KRT80: variants seen among roughly 807,000 people sequenced by gnomAD.
KRT80 encodes keratin 80.
Under a neutral mutation model 51.5 loss-of-function variants are expected in KRT80, and 36 were observed. That is an observed-to-expected ratio of 0.70 (90% CI 0.54 to 0.92). KRT80 has a LOEUF of 0.92. Among genes scored for constraint, KRT80 ranks in the 40% least tolerant of loss-of-function variants. The pLI is 0.00. For missense variants in KRT80, 566 were observed against 591.7 expected (o/e 0.96, Z 0.45); for synonymous variants, 235 against 248.3 (o/e 0.95, Z 0.50).
intron 1 of KRT80, 30 bp from the exon 2 acceptor site, chr12:52,185,617 C>A: frequency 6.3e-7 from 1 of 1,596,794 alleles, no homozygotes; most frequent in South Asian, 1.1e-5. Context: ...GCGAATGGGT[C>A]AGGTGTGGAC....
chr12:52,185,331 G>C, intron 2 of KRT80, 48 bp downstream of exon 2: 1 of 1,549,244 alleles, frequency 6.5e-7, no homozygotes, highest in South Asian at 1.2e-5. Context: ...GCACAGCTTG[G>C]TCCCAGCCCT....
chr12:52,181,005 G>A (rs1424749337), intron 2 of KRT80, 42 bp from the exon 3 acceptor site: 1 of 1,468,710 alleles, frequency 6.8e-7, no homozygotes, highest in Non-Finnish European at 9.1e-7. Context: ...TATGGTGGGG[G>A]CTTGGGCCTG....
chr12:52,188,325 A>C (rs1399697084), intron 1 of KRT80, among the ~76,000 whole-genome samples: 1 of 152,214 alleles, frequency 6.6e-6, no homozygotes, highest in African/African-American at 2.4e-5. Context: ...TTACAGATGA[A>C]GAAACTGAAG....
intron 4 of KRT80, among the ~76,000 whole-genome samples, chr12:52,175,953 G>A (rs998862960): frequency 2.6e-5 from 4 of 152,158 alleles, no homozygotes; most frequent in South Asian, 2.1e-4. Context: ...GACACATTGT[G>A]GGCATCGGTG....
At chr12:52,174,617 C>T (rs896058167) in intron 4 of KRT80, among the ~76,000 whole-genome samples, 1 of 152,288 alleles carries the variant, frequency 6.6e-6, no homozygotes, top group Non-Finnish European at 1.5e-5. Context: ...CAGGCTGGCA[C>T]TGCTGCAGCC....
intron 3 of KRT80, 139 bp from the exon 4 acceptor site, chr12:52,180,747 G>A (rs1941305622): frequency 4.4e-6 from 7 of 1,586,734 alleles, no homozygotes; most frequent in African/African-American, 1.3e-5. Flanking sequence ...AAAAGGAGCT[G>A]GATGGGGATG....
At chr12:52,175,061 C>T (rs998069602) in intron 4 of KRT80, among the ~76,000 whole-genome samples, 2 of 152,132 alleles carry the variant, frequency 1.3e-5, no homozygotes, top group African/African-American at 4.8e-5. Flanking sequence ...TCCACCCTGA[C>T]CCCTATTTCA....
chr12:52,173,855 G>A (rs887705881), intron 4 of KRT80, 91 bp from the exon 5 acceptor site: 7 of 1,307,608 alleles, frequency 5.4e-6, no homozygotes, highest in Admixed American at 1.9e-5. Context: ...CGGGGTGAGC[G>A]GAGAGTGGAG....
At position 52,171,330 on chromosome 12, in the gene KRT80, T is replaced by A; in HGVS notation, c.*68A>T. The A allele has an allele frequency of 6.8e-7, 1 of 1,470,718 alleles. No homozygotes were observed. Among genetic ancestry groups the A allele is most frequent in the Non-Finnish European group, 9.2e-7 (1 of 1,092,768 alleles). 91.1% of individuals were successfully genotyped at this position (1,470,718 alleles called of 1,614,324 possible). A position where few individuals can be genotyped will look rare whatever the true frequency, so the allele number is the denominator to read the frequency against. On this transcript the variant is annotated 3_prime_UTR_variant, in exon 9 of 9. Transcript: ENST00000394815. Reference sequence around the variant, plus strand: ...CTCAACCTAGAGGCTCCAAGCTGCTTTCTTGAGTCTAGCTTAAGTCCCTCC... The same window carrying A: ...CTCAACCTAGAGGCTCCAAGCTGCTATCTTGAGTCTAGCTTAAGTCCCTCC...
chr12:52,188,168 T>C (rs1429687531), intron 1 of KRT80, among the ~76,000 whole-genome samples: 1 of 152,144 alleles, frequency 6.6e-6, no homozygotes, highest in Non-Finnish European at 1.5e-5. Context: ...GGAGGGCTCA[T>C]AATCCTGGTG....
rs544824737 is a variant in KRT80 at position 52,173,095 on chromosome 12, C to T, written c.900G>A (p.Ala300=). 170 of 1,613,550 alleles carry T rather than the reference C, an allele frequency of 1.1e-4. No individual in the cohort carries two copies. In the Admixed American group the frequency reaches 1.2e-3, roughly 11 times the overall value. ...GCTTCTGGATGCGCACATTGAGATC[C>T]GCGATCTCGCTGCGGCTGCTCTGGA... The part of the protein sequence containing the change: ...SSLQSSRSEI[A]DLNVRIQKLR... The change falls in exon 6 of 9, where the codon GCG becomes GCA. Residue 300 remains alanine (A), a synonymous_variant. Coordinates refer to ENST00000394815, the MANE Select transcript of KRT80 (RefSeq NM_182507.3).
chr12:52,172,338 G>T lies in KRT80; in HGVS notation c.1038C>A (p.Ala346=), dbSNP rs1183067415. The T allele has an allele frequency of 1.9e-6, 3 of 1,614,146 alleles. No individual in the cohort carries two copies. The South Asian group carries it at 3.3e-5, about 18-fold the overall frequency. ...LAFQDAKTKL[A]QLEAALQQAK... ...CCTGCTGCAGGGCGGCCTCCAGCTGGGCCAGCTTGGTCTTGGCATCCTGGA... is the reference window on the plus strand; with the variant it reads ...CCTGCTGCAGGGCGGCCTCCAGCTGTGCCAGCTTGGTCTTGGCATCCTGGA... Residue 346 remains alanine (A), a synonymous_variant, in exon 7 of 9, where the codon GCC becomes GCA. Coordinates refer to ENST00000394815, the MANE Select transcript of KRT80 (RefSeq NM_182507.3).
At position 52,172,407 on chromosome 12, in the gene KRT80, C is replaced by T; in HGVS notation, c.969G>A (p.Leu323=). Residue 323 remains leucine, a synonymous_variant, in exon 7 of 9, where the codon CTG becomes CTA. Coordinates refer to ENST00000394815, the MANE Select transcript of KRT80 (RefSeq NM_182507.3). ...CCTCAGCTGTCTTGATGTTCTCCTC[C>T]AGTTTCAGGCACTGCAGCCAGGAGG... The part of the protein sequence containing the change: ...ILSVKSHCLK[L]EENIKTAEEQ... The T allele has an allele frequency of 6.2e-7, 1 of 1,611,858 alleles. No individual in the cohort carries two copies. Among genetic ancestry groups the T allele is most frequent in the African/African-American group, 1.3e-5 (1 of 75,020 alleles).
At chr12:52,182,226 T>C (rs1417341927) in intron 2 of KRT80, among the ~76,000 whole-genome samples, 3 of 152,100 alleles carry the variant, frequency 2.0e-5, no homozygotes, top group Non-Finnish European at 4.4e-5. Flanking sequence ...TGTCTAGGCA[T>C]CCCCAGAGAG....
intron 1 of KRT80, among the ~76,000 whole-genome samples, chr12:52,186,336 GCTC>G (rs1160159392): frequency 1.3e-5 from 2 of 152,064 alleles, no homozygotes; most frequent in African/African-American, 4.8e-5. Context: ...CAGTTTAGCT[GCTC>G]CTCCTTTGTC....
chr12:52,190,847 C>G (rs1941468812), intron 1 of KRT80, among the ~76,000 whole-genome samples: 1 of 152,082 alleles, frequency 6.6e-6, no homozygotes. Context: ...TGGATAACTT[C>G]CTTGGGAGCT....
At chr12:52,180,754 G>T in intron 3 of KRT80, 146 bp from the exon 4 acceptor site, 15 of 1,586,836 alleles carry the variant, frequency 9.5e-6, no homozygotes, top group Non-Finnish European at 1.3e-5. Flanking sequence ...GCTGGATGGG[G>T]ATGGGGGTAT....
chr12:52,180,831 T>A (rs766404092), intron 3 of KRT80, 72 bp downstream of exon 3: 1 of 1,608,202 alleles, frequency 6.2e-7, no homozygotes, highest in South Asian at 1.1e-5. Context: ...TAAAGGAGAG[T>A]AGGATATCTG....
At chr12:52,184,210 G>C (rs533423823) in intron 2 of KRT80, among the ~76,000 whole-genome samples, 1 of 152,296 alleles carries the variant, frequency 6.6e-6, no homozygotes, top group African/African-American at 2.4e-5. Flanking sequence ...GGGCTGGGCC[G>C]CAGCACTGCA....
Sources: allele counts gnomAD v4.1 joint callset (sites outside exome capture counted in the v4.1 genomes callset), GRCh38; gene constraint gnomAD v4.1.1; transcripts MANE v1.5; gene names NCBI Gene and HGNC (gene_info 2026-07-23, HGNC 2026-07-21).